Variants in CSRNP3 observed in about 807,000 individuals in gnomAD.
CSRNP3 encodes the protein cysteine and serine rich nuclear protein 3, also known as cysteine/serine-rich nuclear protein 3.
Under a neutral mutation model 48.0 loss-of-function variants are expected in CSRNP3, and 12 were observed. That is an observed-to-expected ratio of 0.25 (90% CI 0.16 to 0.41). The LOEUF is 0.41. Ranked by LOEUF, CSRNP3 falls within the 10% of genes least tolerant of loss-of-function variation. The probability of loss-of-function intolerance (pLI) is 1.00; values close to 1 mark genes in which losing one functional copy is unlikely to be tolerated. For synonymous variants in CSRNP3, 263 were observed against 269.7 expected (o/e 0.98, Z 0.24); for missense variants, 580 against 724.4 (o/e 0.80, Z 2.29).
rs944154189 is a variant in CSRNP3, at chr2:165,679,969, T to C, written c.*216T>C. ...GATTTTAAAAGATTTCAGACTGTTT[T>C]GATAGAAAAAGCTAAATTTTAAAAT... On this transcript the variant is annotated 3_prime_UTR_variant, in exon 7 of 7. Transcript: ENST00000651982. The C allele has an allele frequency of 3.1e-6, 2 of 647,112 alleles. No homozygotes were observed. The highest frequency in any genetic ancestry group is 4.9e-6 in the Non-Finnish European group (2 of 405,568). The allele number at this position is 647,112 out of a possible 1,614,324, so 40.1% of individuals were successfully genotyped here. A position where few individuals can be genotyped will look rare whatever the true frequency, so the allele number is the denominator to read the frequency against.
At chr2:165,492,958 C>T (rs1202330358) in intron 1 of CSRNP3, among the ~76,000 whole-genome samples, 2 of 141,806 alleles carry the variant, frequency 1.4e-5, no homozygotes, top group Non-Finnish European at 3.0e-5. Flanking sequence ...AAAAAGGAGT[C>T]ACTGGTGTTC....
chr2:165,666,039 G>GGAAA (rs1170767713), intron 5 of CSRNP3, among the ~76,000 whole-genome samples: 1 of 39,150 alleles, frequency 2.6e-5, no homozygotes, highest in Admixed American at 2.8e-4. Flanking sequence ...GAGGAAGGGA[G>GGAAA]GAAGGAAGGA....
chr2:165,551,815 A>G (rs184536088), intron 3 of CSRNP3, among the ~76,000 whole-genome samples: 247 of 152,340 alleles, frequency 1.6e-3, no homozygotes, highest in Admixed American at 3.1e-3. Context: ...AACTCCAAAC[A>G]CATTTAGGCT....
intron 3 of CSRNP3, among the ~76,000 whole-genome samples, chr2:165,570,595 T>TA (rs199614203): frequency 0.38 from 54,936 of 143,864 alleles, 10,287 homozygotes; most frequent in South Asian, 0.52. Flanking sequence ...AGTAATGCAG[T>TA]AAAAAAAAAA....
At chr2:165,504,459 C>T (rs147178167) in intron 2 of CSRNP3, among the ~76,000 whole-genome samples, 219 of 152,016 alleles carry the variant, frequency 1.4e-3, no homozygotes, top group African/African-American at 4.8e-3. Context: ...AACTTAAAAC[C>T]GGCTCAAACT....
chr2:165,563,346 C>T (rs975982894), intron 3 of CSRNP3, among the ~76,000 whole-genome samples: 8 of 152,144 alleles, frequency 5.3e-5, no homozygotes, highest in Non-Finnish European at 1.5e-5. Context: ...ACTTCAATCA[C>T]TAATAGACTG....
At chr2:165,532,431 G>T (rs932322865) in intron 3 of CSRNP3, among the ~76,000 whole-genome samples, 20 of 152,108 alleles carry the variant, frequency 1.3e-4, no homozygotes, top group Admixed American at 1.0e-3. Flanking sequence ...ATGTAATCCA[G>T]CATATAAACA....
chr2:165,605,760 G>A (rs576510523), intron 4 of CSRNP3, among the ~76,000 whole-genome samples: 2 of 152,182 alleles, frequency 1.3e-5, no homozygotes, highest in East Asian at 1.9e-4. Context: ...ATATGGCCAA[G>A]TATATTATAG....
intron 3 of CSRNP3, among the ~76,000 whole-genome samples, chr2:165,563,803 T>C (rs1217512227): frequency 6.6e-6 from 1 of 152,142 alleles, no homozygotes. Context: ...GCTGTTAAAT[T>C]TCATGTGAAA....
chr2:165,640,534 G>A (rs1686706921), intron 4 of CSRNP3, among the ~76,000 whole-genome samples: 1 of 152,174 alleles, frequency 6.6e-6, no homozygotes, highest in African/African-American at 2.4e-5. Flanking sequence ...GCCACTAGCA[G>A]TCTGGTACTG....
intron 4 of CSRNP3, among the ~76,000 whole-genome samples, chr2:165,610,081 TCTTA>T (rs1234845405): frequency 9.2e-5 from 14 of 152,226 alleles, no homozygotes; most frequent in Admixed American, 2.6e-4. Context: ...ATGTGCATTA[TCTTA>T]CTTACTTAGC....
At chr2:165,643,968 AT>A (rs1381391532) in intron 4 of CSRNP3, among the ~76,000 whole-genome samples, 4 of 152,294 alleles carry the variant, frequency 2.6e-5, no homozygotes, top group African/African-American at 9.6e-5. Context: ...ACCATCACTA[AT>A]TGACTGCTAA....
At chr2:165,603,891 A>AGCTT (rs1453303683) in intron 4 of CSRNP3, among the ~76,000 whole-genome samples, 7 of 152,164 alleles carry the variant, frequency 4.6e-5, no homozygotes, top group Non-Finnish European at 1.0e-4. Context: ...TGTACAGCAG[A>AGCTT]GCTTGCTTTC....
intron 3 of CSRNP3, among the ~76,000 whole-genome samples, chr2:165,545,040 A>G (rs1685006188): frequency 6.6e-6 from 1 of 151,816 alleles, no homozygotes; most frequent in Non-Finnish European, 1.5e-5. Flanking sequence ...GTGTGCATCA[A>G]TGAGAATAAA....
rs1234086795 is a variant in CSRNP3, at chr2:165,500,725, G to A, written c.-113+5797G>A. On this transcript the variant is annotated intron_variant, in intron 2 of 6. Coordinates refer to ENST00000651982, the MANE Select transcript of CSRNP3 (RefSeq NM_001172173.2). ...CTCCCACCTAGGCCTCTCAAAGTGC[G>A]AGGATTACAGGCGTGAACCACCGTG... is the stretch of plus-strand genomic sequence containing the variant. 7.9e-5 allele frequency among the ~76,000 whole-genome samples: 12 copies of A among 151,944 alleles called. 1 individual carries two copies. The South Asian group carries it at 2.1e-3, about 26-fold the overall frequency.
rs576324700 is a variant in CSRNP3 at position 165,620,239 on chromosome 2, T to C, written c.148+25026T>C. 5.3e-5 allele frequency among the ~76,000 whole-genome samples: 8 copies of C among 152,230 alleles called. No homozygotes were observed. The East Asian group carries it at 1.4e-3, about 26-fold the overall frequency. On this transcript the variant is annotated intron_variant, in intron 4 of 6. Coordinates refer to ENST00000651982, the MANE Select transcript of CSRNP3 (RefSeq NM_001172173.2). ...TCTTCCAAAAATTGTCCAAGAAATCTAATAATCTGCTGTGCAAAGAAAAAG... is the reference window on the plus strand; with the variant it reads ...TCTTCCAAAAATTGTCCAAGAAATCCAATAATCTGCTGTGCAAAGAAAAAG...
At chr2:165,513,879 GC>G (rs1684541399) in intron 2 of CSRNP3, among the ~76,000 whole-genome samples, 1 of 152,150 alleles carries the variant, frequency 6.6e-6, no homozygotes, top group Non-Finnish European at 1.5e-5. Context: ...TTCCCCATCA[GC>G]ATTGCAATAT....
At chr2:165,599,371 G>GC (rs1243737785) in intron 4 of CSRNP3, among the ~76,000 whole-genome samples, 15 of 104,370 alleles carry the variant, frequency 1.4e-4, no homozygotes, top group African/African-American at 6.1e-4. Flanking sequence ...AAGATCTGAG[G>GC]TTTTTTTGTT....
intron 3 of CSRNP3, among the ~76,000 whole-genome samples, chr2:165,549,280 T>C (rs1304515418): frequency 6.6e-6 from 1 of 152,094 alleles, no homozygotes; most frequent in Non-Finnish European, 1.5e-5. Context: ...AGTTGTCATG[T>C]TTTCTAGTAT....
Sources: allele counts gnomAD v4.1 joint callset (sites outside exome capture counted in the v4.1 genomes callset), GRCh38; gene constraint gnomAD v4.1.1; transcripts MANE v1.5; gene names NCBI Gene and HGNC (gene_info 2026-07-23, HGNC 2026-07-21).